OTOGL: variants seen among roughly 807,000 people sequenced by gnomAD.
OTOGL encodes otogelin-like protein.
Under a neutral mutation model 318.5 loss-of-function variants are expected in OTOGL, and 285 were observed. The observed-to-expected ratio is 0.89, with a 90% confidence interval of 0.81 to 0.99. The LOEUF (loss-of-function observed/expected upper bound fraction) is 0.99, where lower values mean the gene tolerates loss of function less well. Ranked by LOEUF, OTOGL falls within the 50% of genes least tolerant of loss-of-function variation. The pLI is 0.00. For synonymous variants in OTOGL, 987 were observed against 936.5 expected, an observed-to-expected ratio of 1.05 and a Z score of -0.99; for missense variants, 2,899 against 2,845.6, an observed-to-expected ratio of 1.02 and a Z score of -0.43.
At chr12:80,332,303 TAGGA>T (rs1334960463) in intron 37 of OTOGL, among the ~76,000 whole-genome samples, 1 of 152,194 alleles carries the variant, frequency 6.6e-6, no homozygotes, top group African/African-American at 2.4e-5. Flanking sequence ...ACAGCAGCAA[TAGGA>T]AACTAATGAG....
chr12:80,313,836 T>C (rs1342365429), intron 31 of OTOGL, among the ~76,000 whole-genome samples: 1 of 152,200 alleles, frequency 6.6e-6, no homozygotes, highest in East Asian at 1.9e-4. Flanking sequence ...AATATTTTGT[T>C]CTGTGTTTTA....
At chr12:80,204,967 G>A (rs569623514) in intron 1 of OTOGL, among the ~76,000 whole-genome samples, 1 of 152,086 alleles carries the variant, frequency 6.6e-6, no homozygotes, top group Non-Finnish European at 1.5e-5. Context: ...GCCAGACATG[G>A]ACCCCAAATT....
intron 18 of OTOGL, 45 bp from the exon 19 acceptor site, chr12:80,261,924 A>C: frequency 6.3e-7 from 1 of 1,587,678 alleles, no homozygotes; most frequent in Non-Finnish European, 8.6e-7. Context: ...TTATGAACAA[A>C]TGAATGAGAG....
chr12:80,253,963 A>G (rs567025613), intron 14 of OTOGL, among the ~76,000 whole-genome samples: 8 of 152,246 alleles, frequency 5.3e-5, no homozygotes, highest in African/African-American at 1.9e-4. Context: ...TCCATATTAA[A>G]TTTGCTAACT....
intron 1 of OTOGL, among the ~76,000 whole-genome samples, chr12:80,144,513 C>T (rs2137149439): frequency 6.7e-6 from 1 of 149,302 alleles, no homozygotes; most frequent in East Asian, 2.0e-4. Flanking sequence ...CCGCAATAAA[C>T]ATACGTGTGC....
At chr12:80,124,375 C>T (rs921142078) in intron 1 of OTOGL, among the ~76,000 whole-genome samples, 1 of 152,118 alleles carries the variant, frequency 6.6e-6, no homozygotes, top group African/African-American at 2.4e-5. Flanking sequence ...TCTGAGGGCT[C>T]TGTTCTGTTC....
rs538874809 is a variant in OTOGL at position 80,308,786 on chromosome 12, G to A, written c.3334-1825G>A. Among the ~76,000 whole-genome samples, 14 of 152,350 alleles carry A rather than the reference G, an allele frequency of 9.2e-5. No individual in the cohort carries two copies. In the East Asian group the frequency reaches 2.5e-3, roughly 27 times the overall value. On this transcript the variant is annotated intron_variant, in intron 29 of 58. Transcript: ENST00000547103. The stretch of plus-strand genomic sequence containing the variant: ...TGGAGACCAGCCCGGCCAACACAGC[G>A]AATCCCCGTCTCCACCAAAAAAATA...
intron 44 of OTOGL, among the ~76,000 whole-genome samples, chr12:80,348,295 A>T (rs1889327825): frequency 6.6e-6 from 1 of 152,006 alleles, no homozygotes; most frequent in Non-Finnish European, 1.5e-5. Context: ...GTTAATTTTT[A>T]TATAAGGTGT....
intron 37 of OTOGL, 127 bp downstream of exon 37, chr12:80,329,246 T>C (rs766996120): frequency 1.4e-5 from 10 of 700,686 alleles, no homozygotes; most frequent in Non-Finnish European, 2.2e-5. Context: ...AACCCAGCAG[T>C]CACTTTTGCT....
chr12:80,149,939 C>G (rs1388471013), intron 1 of OTOGL, among the ~76,000 whole-genome samples: 2 of 152,198 alleles, frequency 1.3e-5, no homozygotes, highest in African/African-American at 4.8e-5. Flanking sequence ...ACCCACTGAC[C>G]TGCGCCCACT....
chr12:80,332,236 C>G (rs1040421056), intron 37 of OTOGL, among the ~76,000 whole-genome samples: 2 of 152,076 alleles, frequency 1.3e-5, no homozygotes, highest in African/African-American at 4.8e-5. Flanking sequence ...ACATTGAGCT[C>G]CAAAACAGCT....
chr12:80,309,125 C>T (rs1254351774), intron 29 of OTOGL, among the ~76,000 whole-genome samples: 2 of 152,148 alleles, frequency 1.3e-5, no homozygotes, highest in African/African-American at 2.4e-5. Flanking sequence ...AAATTCAGGT[C>T]ATTTAAAAAA....
At chr12:80,229,500 A>C (rs1325938992) in intron 8 of OTOGL, 122 bp downstream of exon 8, 5 of 1,293,916 alleles carry the variant, frequency 3.9e-6, no homozygotes, top group Non-Finnish European at 5.3e-6. Context: ...AATACTCTTA[A>C]AGCTATAACA....
At chr12:80,221,746 T>G (rs550816696) in intron 6 of OTOGL, among the ~76,000 whole-genome samples, 15 of 152,298 alleles carry the variant, frequency 9.8e-5, no homozygotes, top group African/African-American at 3.6e-4. Context: ...GTGGTGACAT[T>G]TCTCTTTTTT....
chr12:80,378,004 TA>T lies in OTOGL; in HGVS notation c.7019del (p.Tyr2340SerfsTer7), dbSNP rs1367588372. 6.3e-7 allele frequency: 1 copy of T among 1,596,358 alleles called. No individual in the cohort carries two copies. Among genetic ancestry groups the T allele is most frequent in the Non-Finnish European group, 8.5e-7 (1 of 1,169,856 alleles). Reference protein sequence around the residue: ...YCSGNGTEIMYTLQEPIDCTC... With the variant: ...YCSGNGTEIMXTLQEPIDCTC... ...CTCAGGAAATGGCACTGAAATTATGTACACTCTCCAGGAACCCATAGACTGT... is the reference window on the plus strand; with the variant it reads ...CTCAGGAAATGGCACTGAAATTATGTCACTCTCCAGGAACCCATAGACTGT... On this transcript the variant is annotated frameshift_variant, in exon 59 of 59. Coordinates refer to ENST00000547103, the MANE Select transcript of OTOGL (RefSeq NM_001378609.3). LOFTEE classifies it high-confidence loss of function.
Position 80,377,190 on chromosome 12 carries a change from G to A in OTOGL, c.6849G>A (p.Met2283Ile), listed in dbSNP as rs1335530551. 3 of 1,603,134 alleles carry A rather than the reference G, an allele frequency of 1.9e-6. No individual in the cohort carries two copies. The highest frequency in any genetic ancestry group is 2.6e-6 in the Non-Finnish European group (3 of 1,173,300). Reference sequence around the variant, plus strand: ...CGGTCATAAGGAAACAGGACTGTATGAGCCAAAGCCCTGTAAGTGGAAAAA... The same window carrying A: ...CGGTCATAAGGAAACAGGACTGTATAAGCCAAAGCCCTGTAAGTGGAAAAA... ...IKSVIRKQDC[M>I]SQSPINVASC... The change falls in exon 58 of 59, where the codon ATG becomes ATA. Residue 2283 changes from methionine to isoleucine, a missense_variant. By Grantham distance (10) the Met-to-Ile change is conservative. Around this residue, in one of 3 missense-constraint regions of OTOGL, gnomAD observed 289 missense variants for 304.6 expected, o/e 0.95. Coordinates refer to ENST00000547103, the MANE Select transcript of OTOGL (RefSeq NM_001378609.3).
intron 1 of OTOGL, among the ~76,000 whole-genome samples, chr12:80,128,073 T>C (rs2137113862): frequency 6.6e-6 from 1 of 152,362 alleles, no homozygotes; most frequent in South Asian, 2.1e-4. Flanking sequence ...CTTTGTTCCG[T>C]TGCTGGTGAG....
At position 80,358,840 on chromosome 12, in the gene OTOGL, T is replaced by C. The variant is rs767529791; in HGVS notation, c.6227-20T>C. ...TTAATTATTTTGATCAATGTAAATA[T>C]GTTGATTTTTGCCTTTTAGAATGTA... On this transcript the variant is annotated intron_variant, in intron 51 of 58. Coordinates refer to ENST00000547103, the MANE Select transcript of OTOGL (RefSeq NM_001378609.3). 2.6e-6 allele frequency: 4 copies of C among 1,529,270 alleles called. No homozygotes were observed. Among genetic ancestry groups the C allele is most frequent in the South Asian group, 2.4e-5 (2 of 83,926 alleles). 94.7% of individuals were successfully genotyped at this position (1,529,270 alleles called of 1,614,324 possible). A position where few individuals can be genotyped will look rare whatever the true frequency, so the allele number is the denominator to read the frequency against.
At chr12:80,156,842 T>C (rs1873155387) in intron 1 of OTOGL, among the ~76,000 whole-genome samples, 1 of 152,136 alleles carries the variant, frequency 6.6e-6, no homozygotes, top group South Asian at 2.1e-4. Context: ...AATGGACTCA[T>C]AGAGACACTT....
Sources: gnomAD v4.1 joint callset for allele counts (sites outside exome capture counted in the v4.1 genomes callset) on GRCh38, gnomAD v4.1.1 for gene constraint, gnomAD v4.1.1 regional missense constraint, MANE v1.5 for transcripts, NCBI Gene and HGNC (gene_info 2026-07-23, HGNC 2026-07-21) for gene names.